Variants in GLIS3 observed in about 807,000 individuals in gnomAD.
GLIS3 encodes zinc finger protein GLIS3.
A neutral mutation model predicts 78.6 loss-of-function variants in GLIS3; 53 were observed. The ratio of observed to expected loss-of-function variants is 0.67; its 90% CI spans 0.54 to 0.85. The LOEUF is 0.85. Among genes scored for constraint, GLIS3 ranks in the 40% least tolerant of loss-of-function variants. The pLI, the probability that GLIS3 is intolerant of heterozygous loss-of-function variation, is 0.00. For missense variants in GLIS3, 1,703 were observed against 1,231.1 expected (o/e 1.38, Z -5.74); for synonymous variants, 684 against 509.9 (o/e 1.34, Z -4.60).
chr9:4,050,508 G>A (rs1278915642), intron 4 of GLIS3, among the ~76,000 whole-genome samples: 6 of 152,086 alleles, frequency 3.9e-5, no homozygotes, highest in South Asian at 2.1e-4. Context: ...ATGACAATTT[G>A]ATGGGTGCAG....
At chr9:3,899,112 C>G (rs1823092965) in intron 6 of GLIS3, among the ~76,000 whole-genome samples, 1 of 152,182 alleles carries the variant, frequency 6.6e-6, no homozygotes, top group African/African-American at 2.4e-5. Context: ...TCCTATTATA[C>G]TTCCTTTTAT....
At chr9:4,342,733 G>A (rs576566170) in intron 2 of GLIS3, among the ~76,000 whole-genome samples, 1 of 152,282 alleles carries the variant, frequency 6.6e-6, no homozygotes, top group South Asian at 2.1e-4. Flanking sequence ...CCATGAGCAT[G>A]GCATGTTTTT....
At chr9:4,059,743 G>GGATGAAA in intron 4 of GLIS3, among the ~76,000 whole-genome samples, 1 of 151,220 alleles carries the variant, frequency 6.6e-6, no homozygotes, top group South Asian at 2.1e-4. Context: ...ACTTTGCCAG[G>GGATGAAA]GATGAAAGCA....
the GLIS3 span, among the ~76,000 whole-genome samples, chr9:4,420,377 A>T: frequency 6.6e-6 from 1 of 152,180 alleles, no homozygotes; most frequent in African/African-American, 2.4e-5. Flanking sequence ...TGTATATCCC[A>T]CTAACCTAAC....
chr9:3,997,691 A>C (rs1195748863), intron 4 of GLIS3, among the ~76,000 whole-genome samples: 1 of 152,094 alleles, frequency 6.6e-6, no homozygotes, highest in Non-Finnish European at 1.5e-5. Context: ...AAAAATAGCA[A>C]ACTAAGCATA....
intron 2 of GLIS3, among the ~76,000 whole-genome samples, chr9:4,343,117 T>C (rs1206017464): frequency 6.6e-6 from 1 of 152,078 alleles, no homozygotes; most frequent in Non-Finnish European, 1.5e-5. Flanking sequence ...GGCAGGAGGA[T>C]CACTTGAGCC....
At chr9:4,428,023 C>T in the GLIS3 span, among the ~76,000 whole-genome samples, 1 of 151,350 alleles carries the variant, frequency 6.6e-6, no homozygotes, top group African/African-American at 2.4e-5. Flanking sequence ...TAACCAAGTT[C>T]AATCAGAAAA....
intron 2 of GLIS3, among the ~76,000 whole-genome samples, chr9:4,281,086 T>C (rs1234164919): frequency 1.3e-5 from 2 of 152,212 alleles, no homozygotes; most frequent in African/African-American, 2.4e-5. Context: ...ATTAGTCGTT[T>C]GAAAAAATAA....
At position 4,162,296 on chromosome 9, in the gene GLIS3, C is replaced by G. The variant is rs181237429; in HGVS notation, c.389-36355G>C. On this transcript the variant is annotated intron_variant, in intron 2 of 10. Coordinates refer to ENST00000381971, the MANE Select transcript of GLIS3 (RefSeq NM_001042413.2). ...CCTCATTTTTTTAACTTGATTACAT[C>G]TACAAAAGCTCTATCTCCAGAAAAA... Among the ~76,000 whole-genome samples the G allele has an allele frequency of 5.3e-5, 8 of 152,242 alleles. No individual in the cohort carries two copies. The East Asian group carries it at 1.2e-3, about 22-fold the overall frequency.
the GLIS3 span, among the ~76,000 whole-genome samples, chr9:4,416,825 T>TG: frequency 2.0e-5 from 3 of 148,988 alleles, no homozygotes; most frequent in Non-Finnish European, 3.0e-5. Flanking sequence ...TTTTTTTTTT[T>TG]TTTTTTTTTT....
At chr9:4,460,882 C>T in the GLIS3 span, among the ~76,000 whole-genome samples, 4 of 152,140 alleles carry the variant, frequency 2.6e-5, no homozygotes, top group Non-Finnish European at 5.9e-5. Context: ...AGCCCAATTA[C>T]TCCTTGGCTG....
intron 2 of GLIS3, among the ~76,000 whole-genome samples, chr9:4,198,897 G>A (rs1819109287): frequency 6.6e-6 from 1 of 152,180 alleles, no homozygotes; most frequent in African/African-American, 2.4e-5. Flanking sequence ...GGAGAGATTA[G>A]ATGTCAATTT....
At position 4,117,993 on chromosome 9, in the gene GLIS3, G is replaced by T; in HGVS notation, c.1485C>A (p.Gly495=). The part of the protein sequence containing the change: ...ATLDDDGEMD[G]IGGKHCCRWI... ...AGCGGCAGCAATGCTTGCCCCCGATGCCGTCCATCTCCCCGTCGTCGTCCA... is the reference window on the plus strand; with the variant it reads ...AGCGGCAGCAATGCTTGCCCCCGATTCCGTCCATCTCCCCGTCGTCGTCCA... Residue 495 remains glycine (G), a synonymous_variant, in exon 4 of 11, where the codon GGC becomes GGA. Transcript: ENST00000381971. The T allele has an allele frequency of 6.2e-7, 1 of 1,611,490 alleles. No homozygotes were observed. Among genetic ancestry groups the T allele is most frequent in the South Asian group, 1.1e-5 (1 of 91,036 alleles).
chr9:4,096,948 G>C (rs1374837181), intron 4 of GLIS3, among the ~76,000 whole-genome samples: 1 of 152,162 alleles, frequency 6.6e-6, no homozygotes, highest in Non-Finnish European at 1.5e-5. Flanking sequence ...GGAGGCAGAG[G>C]TGGCAGTGAG....
the GLIS3 span, among the ~76,000 whole-genome samples, chr9:4,429,589 T>C: frequency 2.0e-5 from 3 of 152,214 alleles, no homozygotes; most frequent in Admixed American, 2.0e-4. Context: ...CACTTCATAG[T>C]GCTTGACCCC....
At chr9:4,259,630 C>A (rs1825322371) in intron 2 of GLIS3, among the ~76,000 whole-genome samples, 1 of 152,180 alleles carries the variant, frequency 6.6e-6, no homozygotes, top group Non-Finnish European at 1.5e-5. Context: ...TCAGTTTTTG[C>A]TTGCAATGGT....
chr9:4,264,549 C>G (rs1825814141), intron 2 of GLIS3, among the ~76,000 whole-genome samples: 1 of 152,160 alleles, frequency 6.6e-6, no homozygotes, highest in South Asian at 2.1e-4. Flanking sequence ...ACCAAAATGA[C>G]CTGGCTGTAC....
At chr9:4,456,465 G>C in the GLIS3 span, among the ~76,000 whole-genome samples, 14 of 152,278 alleles carry the variant, frequency 9.2e-5, no homozygotes, top group East Asian at 2.5e-3. Context: ...CATCTATCTA[G>C]ACTACTAAAA....
At chr9:4,316,802 C>A (rs1438202502) in intron 2 of GLIS3, among the ~76,000 whole-genome samples, 1 of 152,150 alleles carries the variant, frequency 6.6e-6, no homozygotes, top group Non-Finnish European at 1.5e-5. Flanking sequence ...TTTTATTAAT[C>A]TTTTAAAAAT....
Sources: allele counts gnomAD v4.1 joint callset (sites outside exome capture counted in the v4.1 genomes callset), GRCh38; gene constraint gnomAD v4.1.1; transcripts MANE v1.5; gene names NCBI Gene and HGNC (gene_info 2026-07-23, HGNC 2026-07-21).